HYDIN: variants seen among roughly 807,000 people sequenced by gnomAD.
HYDIN encodes the protein axonemal central pair apparatus protein HYDIN.
HYDIN carries 132 observed loss-of-function variants against 403.9 expected under a neutral mutation model. The ratio of observed to expected loss-of-function variants is 0.33; its 90% CI spans 0.28 to 0.38. The LOEUF is 0.38. Among genes scored for constraint, HYDIN ranks in the 10% least tolerant of loss-of-function variants. The pLI is 1.00. For missense variants in HYDIN, 2,827 were observed against 5,009.5 expected (o/e 0.56, Z 13.15); for synonymous variants, 1,202 against 1,891.7 (o/e 0.64, Z 9.46).
chr16:71,138,850 G>A (rs7206161), intron 7 of HYDIN, among the ~76,000 whole-genome samples: 13,031 of 152,164 alleles, frequency 0.086, 1,868 homozygotes, highest in African/African-American at 0.3. Flanking sequence ...TCGGGAGGCC[G>A]AGGCAGGCAG....
At chr16:70,861,984 G>A in intron 69 of HYDIN, 64 bp downstream of exon 69, 1 of 1,440,174 alleles carries the variant, frequency 6.9e-7, no homozygotes, top group South Asian at 1.4e-5. Context: ...GACAGAAAAG[G>A]GGATAAGAGC....
chr16:70,943,103 C>A (rs1182878263), intron 42 of HYDIN, among the ~76,000 whole-genome samples: 1 of 152,162 alleles, frequency 6.6e-6, no homozygotes, highest in Non-Finnish European at 1.5e-5. Flanking sequence ...ACACCCAGCT[C>A]CAGGACCTGG....
At chr16:70,893,214 T>C (rs997876403) in intron 55 of HYDIN, among the ~76,000 whole-genome samples, 4 of 152,196 alleles carry the variant, frequency 2.6e-5, no homozygotes, top group Non-Finnish European at 5.9e-5. Flanking sequence ...TGTTCCAACC[T>C]GAGAGTGACT....
intron 59 of HYDIN, 134 bp from the exon 60 acceptor site, chr16:70,883,029 G>A (rs576414248): frequency 4.4e-6 from 3 of 676,724 alleles, no homozygotes; most frequent in East Asian, 2.6e-5. Flanking sequence ...GCAAGGGGGT[G>A]TGAGGGATGG....
intron 23 of HYDIN, among the ~76,000 whole-genome samples, chr16:71,016,824 G>C (rs2080274258): frequency 6.6e-6 from 1 of 152,076 alleles, no homozygotes; most frequent in Non-Finnish European, 1.5e-5. Flanking sequence ...GTAATGACAT[G>C]GATGAACCTT....
intron 23 of HYDIN, among the ~76,000 whole-genome samples, chr16:71,014,433 C>G (rs2080188748): frequency 6.6e-6 from 1 of 150,526 alleles, no homozygotes; most frequent in Non-Finnish European, 1.5e-5. Flanking sequence ...TGTTTGGTGA[C>G]CCCGTTCCCA....
In HYDIN at chr16:70,804,099, T is replaced by C. The variant is rs2035007418; in HGVS notation, c.*3481A>G. On this transcript the variant is annotated 3_prime_UTR_variant, in exon 86 of 86. Coordinates refer to ENST00000393567, the MANE Select transcript of HYDIN (RefSeq NM_001270974.2). Reference sequence around the variant, plus strand: ...TTGCTAATATAAGACTATTTTGTTATTGTTTGAGGCTAAGGAAGCACGAGA... The same window carrying C: ...TTGCTAATATAAGACTATTTTGTTACTGTTTGAGGCTAAGGAAGCACGAGA... 6.6e-6 allele frequency among the ~76,000 whole-genome samples: 1 copy of C among 152,222 alleles called. No individual in the cohort carries two copies. The highest frequency in any genetic ancestry group is 2.1e-4 in the South Asian group (1 of 4,832).
intron 1 of HYDIN, among the ~76,000 whole-genome samples, chr16:71,227,486 G>A (rs1598080363): frequency 6.6e-6 from 1 of 152,204 alleles, no homozygotes; most frequent in East Asian, 1.9e-4. Flanking sequence ...CAAAATCAAT[G>A]TGCAAAAATC....
At chr16:71,115,270 G>A (rs1254128200) in intron 10 of HYDIN, among the ~76,000 whole-genome samples, 3 of 152,014 alleles carry the variant, frequency 2.0e-5, no homozygotes, top group East Asian at 1.9e-4. Flanking sequence ...TCCTTTACTC[G>A]GCACTTCTCC....
At chr16:70,937,098 A>G (rs189903764) in intron 44 of HYDIN, among the ~76,000 whole-genome samples, 24 of 152,182 alleles carry the variant, frequency 1.6e-4, no homozygotes, top group Non-Finnish European at 2.2e-4. Flanking sequence ...CTCTCTGCCC[A>G]CTGAAGCAAA....
chr16:70,967,661 AT>A (rs2078620328), intron 36 of HYDIN, among the ~76,000 whole-genome samples: 1 of 151,140 alleles, frequency 6.6e-6, no homozygotes, highest in Non-Finnish European at 1.5e-5. Context: ...TTTTTTTTGT[AT>A]TTTTTAGTAG....
chr16:70,947,693 A>T lies in HYDIN; in HGVS notation c.6532-3744T>A, dbSNP rs979109059. 5.3e-5 allele frequency among the ~76,000 whole-genome samples: 8 copies of T among 152,050 alleles called. 1 individual carries two copies. Among genetic ancestry groups the T allele is most frequent in the African/African-American group, 1.7e-4 (7 of 41,362 alleles). On this transcript the variant is annotated intron_variant, in intron 41 of 85. Coordinates refer to ENST00000393567, the MANE Select transcript of HYDIN (RefSeq NM_001270974.2). ...AAACAGAGAGCCAAACCATGAGTGA[A>T]CTCCCATTCACAATTGCTTCAAAGA...
At chr16:71,227,941 T>C (rs1243274218) in intron 1 of HYDIN, among the ~76,000 whole-genome samples, 2 of 152,090 alleles carry the variant, frequency 1.3e-5, no homozygotes, top group Non-Finnish European at 1.5e-5. Context: ...CAAAACAGCA[T>C]GGCACTGGTA....
chr16:70,816,251 T>C (rs918975239), intron 84 of HYDIN, among the ~76,000 whole-genome samples: 9 of 152,086 alleles, frequency 5.9e-5, no homozygotes, highest in East Asian at 1.9e-4. Context: ...TGAAATAATA[T>C]AGAATATGTT....
At chr16:70,816,225 A>C (rs1160082100) in intron 84 of HYDIN, among the ~76,000 whole-genome samples, 1 of 152,134 alleles carries the variant, frequency 6.6e-6, no homozygotes, top group Non-Finnish European at 1.5e-5. Flanking sequence ...ACAAGTCTAA[A>C]CACATTCTAG....
At chr16:70,922,101 C>T (rs1464904072) in intron 45 of HYDIN, among the ~76,000 whole-genome samples, 1 of 152,226 alleles carries the variant, frequency 6.6e-6, no homozygotes, top group Non-Finnish European at 1.5e-5. Context: ...TTCAGGCCAG[C>T]ATCAGGCTTG....
intron 8 of HYDIN, among the ~76,000 whole-genome samples, chr16:71,135,676 G>A (rs963512456): frequency 6.6e-6 from 1 of 152,242 alleles, no homozygotes; most frequent in African/African-American, 2.4e-5. Context: ...GAGCACATGT[G>A]AGTCGGGGAA....
intron 1 of HYDIN, among the ~76,000 whole-genome samples, chr16:71,200,687 A>G (rs1212212184): frequency 6.6e-6 from 1 of 152,204 alleles, no homozygotes; most frequent in Non-Finnish European, 1.5e-5. Context: ...GAAGAACACA[A>G]AAGAACAATA....
intron 71 of HYDIN, among the ~76,000 whole-genome samples, chr16:70,858,875 C>T (rs574797500): frequency 1.1e-3 from 162 of 151,398 alleles, no homozygotes; most frequent in African/African-American, 3.8e-3. Flanking sequence ...ACTAGATGGC[C>T]TGGGTACTGA....
Sources: allele counts gnomAD v4.1 joint callset (sites outside exome capture counted in the v4.1 genomes callset), GRCh38; gene constraint gnomAD v4.1.1; transcripts MANE v1.5; gene names NCBI Gene and HGNC (gene_info 2026-07-23, HGNC 2026-07-21).